The following MCCC2 variants were observed in gnomAD, a reference collection of about 807,000 sequenced individuals.
The protein encoded by MCCC2 is methylcrotonyl-CoA carboxylase subunit 2.
A neutral mutation model predicts 77.2 loss-of-function variants in MCCC2; 52 were observed. The observed-to-expected ratio is 0.67, with a 90% CI of 0.54 to 0.85. The LOEUF (loss-of-function observed/expected upper bound fraction) is 0.85. MCCC2 is among the 40% of genes least tolerant of loss of function. The probability of loss-of-function intolerance (pLI) is 0.00; values close to 1 mark genes in which losing one functional copy is unlikely to be tolerated. For synonymous variants in MCCC2, 253 were observed against 248.4 expected (o/e 1.02, Z -0.18); for missense variants, 682 against 703.2 (o/e 0.97, Z 0.34).
chr5:71,638,882 C>T (rs1276720742), intron 10 of MCCC2, among the ~76,000 whole-genome samples: 1 of 152,158 alleles, frequency 6.6e-6, no homozygotes, highest in African/African-American at 2.4e-5. Flanking sequence ...GCTCCGTGGG[C>T]TACAGAGTGG....
intron 7 of MCCC2, among the ~76,000 whole-genome samples, chr5:71,630,293 A>AG (rs1746665502): frequency 6.6e-6 from 1 of 152,172 alleles, no homozygotes; most frequent in South Asian, 2.1e-4. Context: ...GTTGAAAAAA[A>AG]CAGATAGTAA....
chr5:71,607,005 A>G (rs1442665832), intron 6 of MCCC2, among the ~76,000 whole-genome samples: 3 of 150,354 alleles, frequency 2.0e-5, no homozygotes, highest in African/African-American at 7.3e-5. Context: ...TTTTTGCATC[A>G]ATGTTCATCA....
At chr5:71,629,344 G>A (rs1162238126) in intron 7 of MCCC2, among the ~76,000 whole-genome samples, 1 of 152,210 alleles carries the variant, frequency 6.6e-6, no homozygotes. Flanking sequence ...GAATGGGAGT[G>A]ACCGCTAATG....
intron 7 of MCCC2, among the ~76,000 whole-genome samples, chr5:71,631,698 G>A (rs1048228490): frequency 3.2e-4 from 49 of 152,018 alleles, no homozygotes; most frequent in African/African-American, 7.7e-4. Context: ...CCGCCACCGC[G>A]CCCAGCTAAT....
chr5:71,656,551 A>G (rs996404540), intron 16 of MCCC2, among the ~76,000 whole-genome samples, 192 bp from the exon 17 acceptor site: 1 of 152,196 alleles, frequency 6.6e-6, no homozygotes, highest in Admixed American at 6.5e-5. Context: ...GATGAAGGTC[A>G]TATCATTTTT....
intron 7 of MCCC2, among the ~76,000 whole-genome samples, chr5:71,630,040 G>A (rs1746656008): frequency 6.6e-6 from 1 of 152,132 alleles, no homozygotes; most frequent in South Asian, 2.1e-4. Flanking sequence ...CAGTTAACTT[G>A]TACCTTATAA....
chr5:71,596,524 C>T (rs1461984586), intron 3 of MCCC2, among the ~76,000 whole-genome samples, 160 bp downstream of exon 3: 1 of 152,136 alleles, frequency 6.6e-6, no homozygotes, highest in Non-Finnish European at 1.5e-5. Flanking sequence ...TATGTGTTGA[C>T]ATGTTTATTG....
At chr5:71,613,055 A>T (rs1486868500) in intron 6 of MCCC2, among the ~76,000 whole-genome samples, 1 of 152,086 alleles carries the variant, frequency 6.6e-6, no homozygotes, top group Non-Finnish European at 1.5e-5. Context: ...CTCCATCTTC[A>T]CGTGACCTTC....
chr5:71,633,698 C>T (rs1051780087), intron 8 of MCCC2, among the ~76,000 whole-genome samples: 10 of 152,082 alleles, frequency 6.6e-5, no homozygotes, highest in Middle Eastern at 3.4e-3. Flanking sequence ...TGAAGGTTTT[C>T]CTTTCCTGCT....
At position 71,652,696 on chromosome 5, in the gene MCCC2, A is replaced by G. The variant is rs144491185; in HGVS notation, c.1516A>G (p.Lys506Glu). The G allele has an allele frequency of 1.1e-5, 17 of 1,614,074 alleles. No individual in the cohort carries two copies. The highest frequency in any genetic ancestry group is 1.4e-5 in the Non-Finnish European group (16 of 1,180,026). Residue 506 changes from lysine to glutamate, a missense_variant, in exon 16 of 17, where the codon AAA becomes GAA. Transcript: ENST00000340941. The part of the protein sequence containing the change: ...QFSSADEAAL[K>E]EPIIKKFEEE... ...CTCCAGTGCTGATGAAGCGGCTTTA[A>G]AAGAGCCCATCATTAAGAAGTTTGA...
rs1746740255 is a variant in MCCC2 at position 71,632,176 on chromosome 5, T to C, written c.794T>C (p.Leu265Pro). Residue 265 changes from leucine to proline, a missense_variant, in exon 8 of 17, where the codon CTT (leucine) becomes CCT (proline). By Grantham distance (98) the Leu-to-Pro change is moderately conservative. Transcript: ENST00000340941. Reference protein sequence around the residue: ...VSAEDLGGADLHCRKSGVSDH... With the variant: ...VSAEDLGGADPHCRKSGVSDH... ...GCTGAGGATCTTGGAGGTGCTGATC[T>C]TCATTGCAGGTGAAACAGAAATGGT... 6.2e-7 allele frequency: 1 copy of C among 1,614,160 alleles called. No individual in the cohort carries two copies. Among genetic ancestry groups the C allele is most frequent in the Non-Finnish European group, 8.5e-7 (1 of 1,179,982 alleles).
chr5:71,650,166 G>A lies in MCCC2; in HGVS notation c.1471G>A (p.Ala491Thr), dbSNP rs1284132834. Residue 491 changes from alanine to threonine, a missense_variant, in exon 15 of 17, where the codon GCC (alanine) becomes ACC (threonine). Ala to Thr is a moderately conservative substitution (Grantham distance 58, BLOSUM62 0). Coordinates refer to ENST00000340941, the MANE Select transcript of MCCC2 (RefSeq NM_022132.5). Reference protein sequence around the residue: ...VLATITKDQRAREGKQFSSAD... With the variant: ...VLATITKDQRTREGKQFSSAD... Reference sequence around the variant, plus strand: ...GGCCACGATAACAAAGGACCAAAGAGCCCGGGAAGGAAAGCAGGTCGGTGT... The same window carrying A: ...GGCCACGATAACAAAGGACCAAAGAACCCGGGAAGGAAAGCAGGTCGGTGT... 7.4e-6 allele frequency: 12 copies of A among 1,614,020 alleles called. No individual in the cohort carries two copies. The highest frequency in any genetic ancestry group is 1.0e-5 in the Non-Finnish European group (12 of 1,180,000).
chr5:71,621,984 G>T (rs1249925814), intron 6 of MCCC2, among the ~76,000 whole-genome samples: 1 of 152,104 alleles, frequency 6.6e-6, no homozygotes, highest in Non-Finnish European at 1.5e-5. Flanking sequence ...TTGCATGCCT[G>T]TATCAAAACA....
intron 6 of MCCC2, among the ~76,000 whole-genome samples, chr5:71,614,555 C>G (rs1158090359): frequency 6.7e-6 from 1 of 150,240 alleles, no homozygotes; most frequent in East Asian, 2.0e-4. Context: ...GCAATATTGG[C>G]TTACTGCAAC....
chr5:71,599,150 C>T (rs1745322278), intron 3 of MCCC2, among the ~76,000 whole-genome samples: 1 of 151,922 alleles, frequency 6.6e-6, no homozygotes, highest in African/African-American at 2.4e-5. Context: ...GGCAGATAAC[C>T]TTCAGGTAAG....
chr5:71,645,316 G>A (rs1287461262), intron 12 of MCCC2, among the ~76,000 whole-genome samples: 1 of 152,118 alleles, frequency 6.6e-6, no homozygotes, highest in Non-Finnish European at 1.5e-5. Flanking sequence ...TACCTGACAA[G>A]GCATTTCCAG....
intron 8 of MCCC2, among the ~76,000 whole-genome samples, chr5:71,634,045 C>T (rs1746834075): frequency 6.6e-6 from 1 of 152,170 alleles, no homozygotes; most frequent in Non-Finnish European, 1.5e-5. Flanking sequence ...TAAGATATGT[C>T]TCCCAAGGAG....
Position 71,650,200 on chromosome 5 carries a change from C to T in MCCC2, c.1488+17C>T, listed in dbSNP as rs568676450. 6.2e-7 allele frequency: 1 copy of T among 1,607,702 alleles called. No individual in the cohort carries two copies. Among genetic ancestry groups the T allele is most frequent in the Non-Finnish European group, 8.5e-7 (1 of 1,174,606 alleles). ...GGAAAGCAGGTCGGTGTCGTTTTCT[C>T]TTGTTTCTCTCTGGTTTTGCCTCTC... On this transcript the variant is annotated intron_variant, in intron 15 of 16. Transcript: ENST00000340941.
chr5:71,655,700 G>A (rs1395289056), intron 16 of MCCC2, among the ~76,000 whole-genome samples: 2 of 152,120 alleles, frequency 1.3e-5, no homozygotes, highest in African/African-American at 2.4e-5. Flanking sequence ...TTCAGATACC[G>A]AAGGGAGTTT....
Sources: gnomAD v4.1 joint callset for allele counts (sites outside exome capture counted in the v4.1 genomes callset) on GRCh38, gnomAD v4.1.1 for gene constraint, MANE v1.5 for transcripts, NCBI Gene and HGNC (gene_info 2026-07-23, HGNC 2026-07-21) for gene names.